The following RORA variants were observed in gnomAD, a reference collection of about 807,000 sequenced individuals.
RORA encodes the protein nuclear receptor ROR-alpha.
A neutral mutation model predicts 69.5 loss-of-function variants in RORA; 7 were observed. The ratio of observed to expected loss-of-function variants is 0.10; its 90% CI spans 0.06 to 0.19. The LOEUF is 0.19. Ranked by LOEUF, RORA falls within the 10% of genes least tolerant of loss-of-function variation. The pLI is 1.00. For synonymous variants in RORA, 261 were observed against 240.8 expected, an observed-to-expected ratio of 1.08 and a Z score of -0.78; for missense variants, 457 against 663.0, an observed-to-expected ratio of 0.69 and a Z score of 3.41.
At chr15:60,791,687 G>C (rs761113634) in intron 1 of RORA, among the ~76,000 whole-genome samples, 2 of 152,226 alleles carry the variant, frequency 1.3e-5, no homozygotes, top group Non-Finnish European at 2.9e-5. Flanking sequence ...ATATGTGCAT[G>C]AGGGAGACTC....
At chr15:60,827,069 A>G (rs1308903791) in intron 1 of RORA, among the ~76,000 whole-genome samples, 5 of 152,202 alleles carry the variant, frequency 3.3e-5, no homozygotes, top group Admixed American at 2.6e-4. Context: ...CCATTTCTAC[A>G]TGTACTGGGT....
Position 61,148,151 on chromosome 15 carries a change from G to A in RORA, c.166+80902C>T, listed in dbSNP as rs530096695. Among the ~76,000 whole-genome samples, 5 of 152,332 alleles carry A rather than the reference G, an allele frequency of 3.3e-5. No homozygotes were observed. The East Asian group carries it at 9.6e-4, about 29-fold the overall frequency. ...ATCTGAGTGACATCAGCGGCAACAT[G>A]GGGCTAAAAGAGGAGCCACTGAAGT... On this transcript the variant is annotated intron_variant, in intron 1 of 10. Transcript: ENST00000335670.
At chr15:61,145,936 T>C (rs977793347) in intron 1 of RORA, among the ~76,000 whole-genome samples, 2 of 152,058 alleles carry the variant, frequency 1.3e-5, no homozygotes, top group Non-Finnish European at 2.9e-5. Flanking sequence ...AAAAAAGCAA[T>C]AGGGAGACAA....
Position 60,914,893 on chromosome 15 carries a change from G to A in RORA, c.167-236207C>T, listed in dbSNP as rs548756567. ...GTGGGCCATCCAGGAAGAAGCTTTG[G>A]TGAAGGGGAGGGCACTAATGTTTCT... On this transcript the variant is annotated intron_variant, in intron 1 of 10. Coordinates refer to ENST00000335670, the MANE Select transcript of RORA (RefSeq NM_134261.3). Among the ~76,000 whole-genome samples the A allele has an allele frequency of 5.9e-5, 9 of 152,308 alleles. No individual in the cohort carries two copies. The South Asian group carries it at 1.7e-3, about 28-fold the overall frequency.
chr15:60,561,165 G>T (rs1017197411), intron 2 of RORA, among the ~76,000 whole-genome samples: 26 of 149,474 alleles, frequency 1.7e-4, no homozygotes, highest in Non-Finnish European at 2.5e-4. Flanking sequence ...CACTGCAAGC[G>T]CCGCCTCCCG....
Position 60,511,729 on chromosome 15 carries a change from A to G in RORA, c.425-108T>C. ...AAGTCTCACACAATCTCAATCCAAAACTGCATGACCACAAAATAAGGACAT... is the reference window on the plus strand; with the variant it reads ...AAGTCTCACACAATCTCAATCCAAAGCTGCATGACCACAAAATAAGGACAT... On this transcript the variant is annotated intron_variant, in intron 4 of 10. Transcript: ENST00000335670. The surrounding 1 kb of genome is among the most constrained non-coding windows in gnomAD (Gnocchi z 6.4). 2 of 1,175,342 alleles carry G rather than the reference A, an allele frequency of 1.7e-6. No individual in the cohort carries two copies. The highest frequency in any genetic ancestry group is 1.6e-5 in the South Asian group (1 of 62,148). The allele number at this position is 1,175,342 out of a possible 1,614,324, so 72.8% of individuals were successfully genotyped here.
chr15:60,597,416 G>A lies in RORA; in HGVS notation c.197-65565C>T, dbSNP rs559310959. Among the ~76,000 whole-genome samples, 14 of 148,362 alleles carry A rather than the reference G, an allele frequency of 9.4e-5. No individual in the cohort carries two copies. The South Asian group carries it at 3.1e-3, about 33-fold the overall frequency. On this transcript the variant is annotated intron_variant, in intron 2 of 10. Transcript: ENST00000335670. ...CACACACCAGTCAAGGCAGGAAGGG[G>A]AGAAATGCAAACCAAGGCCAAGAGG... is the stretch of plus-strand genomic sequence containing the variant.
intron 1 of RORA, among the ~76,000 whole-genome samples, chr15:60,722,057 A>T (rs1005052113): frequency 2.6e-5 from 4 of 152,236 alleles, no homozygotes; most frequent in African/African-American, 9.6e-5. Flanking sequence ...AATTACTGAA[A>T]CTATACCAAT....
At chr15:60,821,390 G>A (rs1480654391) in intron 1 of RORA, among the ~76,000 whole-genome samples, 3 of 152,230 alleles carry the variant, frequency 2.0e-5, no homozygotes, top group Admixed American at 6.5e-5. Flanking sequence ...GTGTCCTGGC[G>A]CCTGTGGTCC....
At chr15:60,902,463 G>C (rs1487575188) in intron 1 of RORA, among the ~76,000 whole-genome samples, 1 of 152,148 alleles carries the variant, frequency 6.6e-6, no homozygotes, top group Non-Finnish European at 1.5e-5. Flanking sequence ...CGTGAGAATG[G>C]CTCAGCCCTA....
At chr15:61,034,947 G>A (rs959796348) in intron 1 of RORA, among the ~76,000 whole-genome samples, 1 of 152,046 alleles carries the variant, frequency 6.6e-6, no homozygotes, top group Non-Finnish European at 1.5e-5. Flanking sequence ...AAAAACAAAA[G>A]TTAAATTCAG....
At chr15:60,556,078 G>A (rs1205751315) in intron 2 of RORA, among the ~76,000 whole-genome samples, 1 of 152,148 alleles carries the variant, frequency 6.6e-6, no homozygotes, top group African/African-American at 2.4e-5. Flanking sequence ...ACTTGAAAGA[G>A]CAATAGTCCC....
intron 1 of RORA, among the ~76,000 whole-genome samples, chr15:60,841,919 G>A (rs761644006): frequency 5.9e-5 from 9 of 152,216 alleles, no homozygotes; most frequent in South Asian, 4.1e-4. Context: ...CCTTGGGGGC[G>A]TGGGACCTGG....
chr15:61,002,958 C>A (rs1203393604), intron 1 of RORA, among the ~76,000 whole-genome samples: 1 of 141,510 alleles, frequency 7.1e-6, no homozygotes, highest in Admixed American at 7.3e-5. Flanking sequence ...AGTGAAACCC[C>A]GTCTCTACTA....
At chr15:61,138,029 C>T (rs2079261724) in intron 1 of RORA, among the ~76,000 whole-genome samples, 1 of 152,196 alleles carries the variant, frequency 6.6e-6, no homozygotes, top group South Asian at 2.1e-4. Flanking sequence ...CTTTTCCATG[C>T]TTTCTTTATA....
At chr15:60,749,763 C>T (rs2071697621) in intron 1 of RORA, among the ~76,000 whole-genome samples, 1 of 152,170 alleles carries the variant, frequency 6.6e-6, no homozygotes, top group Non-Finnish European at 1.5e-5. Flanking sequence ...TGCGGTGGCT[C>T]ATACCTGTAA....
At chr15:61,022,384 A>T (rs1461970322) in intron 1 of RORA, among the ~76,000 whole-genome samples, 1 of 152,202 alleles carries the variant, frequency 6.6e-6, no homozygotes, top group East Asian at 1.9e-4. Flanking sequence ...ATTGTGTCAC[A>T]TGCTAAGGTA....
At chr15:60,554,731 A>AG (rs1260088905) in intron 2 of RORA, among the ~76,000 whole-genome samples, 3 of 152,196 alleles carry the variant, frequency 2.0e-5, no homozygotes, top group African/African-American at 7.2e-5. Flanking sequence ...AGAAGCCACT[A>AG]GGATCAACAG....
chr15:60,994,216 C>T (rs72754715), intron 1 of RORA, among the ~76,000 whole-genome samples: 8,395 of 152,212 alleles, frequency 0.055, 369 homozygotes, highest in Non-Finnish European at 0.073. Flanking sequence ...GATTTCAAAA[C>T]AAAGAGAACA....
Sources: allele counts gnomAD v4.1 joint callset (sites outside exome capture counted in the v4.1 genomes callset), GRCh38; gene constraint gnomAD v4.1.1; non-coding constraint Gnocchi (gnomAD v3.1); transcripts MANE v1.5; gene names NCBI Gene and HGNC (gene_info 2026-07-23, HGNC 2026-07-21).